Variants in MINDY4B observed in about 807,000 individuals in gnomAD.
The protein encoded by MINDY4B is MINDY family member 4B.
A neutral mutation model predicts 16.7 loss-of-function variants in MINDY4B; 25 were observed. The observed-to-expected ratio is 1.49, with a 90% CI of 1.09 to 2.09. The LOEUF (loss-of-function observed/expected upper bound fraction) is 2.09, where lower values mean the gene tolerates loss of function less well. Among genes scored for constraint, MINDY4B ranks in the 30% most tolerant of loss-of-function variants. The pLI is 0.00. For missense variants in MINDY4B, 327 were observed against 168.4 expected, an observed-to-expected ratio of 1.94 and a Z score of -5.21; for synonymous variants, 132 against 61.9, an observed-to-expected ratio of 2.13 and a Z score of -5.32.
chr3:150,873,226 C>T lies in MINDY4B; in HGVS notation c.1201G>A (p.Gly401Ser). 1.4e-6 allele frequency: 1 copy of T among 703,096 alleles called. No individual in the cohort carries two copies. Among genetic ancestry groups the T allele is most frequent in the Non-Finnish European group, 2.6e-6 (1 of 384,862 alleles). 43.6% of individuals were successfully genotyped at this position (703,096 alleles called of 1,614,324 possible). The change falls in exon 11 of 12, where the codon GGC (glycine) becomes AGC (serine). Residue 401 changes from glycine to serine, a missense_variant. Gly to Ser is a moderately conservative substitution (Grantham distance 56, BLOSUM62 0). Transcript: ENST00000465419. ...ACAAGCTTTTTCTGTGAGGGTTGGC[C>T]ACTGTAAAAGTACAGATCAAAGAGA... The part of the protein sequence containing the change: ...ERLFDLYFYS[G>S]QPSQKKLVRL...
intron 5 of MINDY4B, among the ~76,000 whole-genome samples, chr3:150,893,027 C>T (rs540883753): frequency 6.6e-6 from 1 of 152,074 alleles, no homozygotes; most frequent in African/African-American, 2.4e-5. Context: ...TAGAGCTTTC[C>T]ATCAAATATG....
intron 3 of MINDY4B, among the ~76,000 whole-genome samples, chr3:150,894,782 G>C (rs1711915727): frequency 6.6e-6 from 1 of 152,026 alleles, no homozygotes; most frequent in African/African-American, 2.4e-5. Context: ...AGAAAAATGG[G>C]AACAAGACTT....
At chr3:150,874,351 TG>T (rs1442533161) in intron 10 of MINDY4B, among the ~76,000 whole-genome samples, 2 of 152,230 alleles carry the variant, frequency 1.3e-5, no homozygotes, top group East Asian at 1.9e-4. Context: ...AAACCAGCAC[TG>T]GGGGTAAGAG....
At chr3:150,892,888 C>T (rs1293651099) in intron 5 of MINDY4B, among the ~76,000 whole-genome samples, 5 of 150,420 alleles carry the variant, frequency 3.3e-5, no homozygotes, top group Non-Finnish European at 5.9e-5. Flanking sequence ...TGCAGTGAGC[C>T]GAGATCATGC....
At chr3:150,876,516 T>C (rs904073965) in intron 10 of MINDY4B, among the ~76,000 whole-genome samples, 1 of 152,196 alleles carries the variant, frequency 6.6e-6, no homozygotes, top group African/African-American at 2.4e-5. Flanking sequence ...CTGGAATACA[T>C]ACTTGATGTA....
intron 10 of MINDY4B, among the ~76,000 whole-genome samples, chr3:150,880,305 C>CTGTGTGTGTGTGTGTG (rs60659488): frequency 3.7e-4 from 55 of 149,888 alleles, no homozygotes; most frequent in African/African-American, 1.3e-3. Flanking sequence ...AGGTTCCCAT[C>CTGTGTGTGTGTGTGTG]TGTGTGTGTG....
chr3:150,897,503 A>G (rs1000145713), intron 3 of MINDY4B, among the ~76,000 whole-genome samples: 2 of 152,090 alleles, frequency 1.3e-5, no homozygotes, highest in South Asian at 2.1e-4. Flanking sequence ...GTGGAGCTCA[A>G]TGGGCCCAGA....
chr3:150,895,541 C>A (rs1711937769), intron 3 of MINDY4B, among the ~76,000 whole-genome samples: 1 of 152,208 alleles, frequency 6.6e-6, no homozygotes, highest in South Asian at 2.1e-4. Flanking sequence ...TCTTGGCTCA[C>A]TGCAACCTCA....
Position 150,890,893 on chromosome 3 carries a change from C to A in MINDY4B, c.687+45G>T, listed in dbSNP as rs1001828970. On this transcript the variant is annotated intron_variant, in intron 6 of 11. Coordinates refer to ENST00000465419, the MANE Select transcript of MINDY4B (RefSeq NM_001351281.2). Reference sequence around the variant, plus strand: ...ATGGTAAGTCTATTACATGCTCAGGCTTCACTGGCCTTTCATCTGCCAGGA... The same window carrying A: ...ATGGTAAGTCTATTACATGCTCAGGATTCACTGGCCTTTCATCTGCCAGGA... 3 of 695,566 alleles carry A rather than the reference C, an allele frequency of 4.3e-6. No individual in the cohort carries two copies. The African/African-American group carries it at 5.2e-5, about 12-fold the overall frequency. 43.1% of individuals were successfully genotyped at this position (695,566 alleles called of 1,614,324 possible). A position where few individuals can be genotyped will look rare whatever the true frequency, so the allele number is the denominator to read the frequency against.
chr3:150,889,085 CAT>C (rs769398152), intron 7 of MINDY4B, among the ~76,000 whole-genome samples: 1 of 152,202 alleles, frequency 6.6e-6, no homozygotes, highest in Non-Finnish European at 1.5e-5. Context: ...TAAAATCTAT[CAT>C]ACAGGTTTTA....
chr3:150,886,837 T>TCCCCCA (rs1711633344), intron 7 of MINDY4B, among the ~76,000 whole-genome samples: 1 of 152,114 alleles, frequency 6.6e-6, no homozygotes, highest in African/African-American at 2.4e-5. Context: ...CAGGATAATG[T>TCCCCCA]CCCCCACCCA....
chr3:150,891,503 T>C (rs558941946), intron 5 of MINDY4B, among the ~76,000 whole-genome samples: 1 of 152,240 alleles, frequency 6.6e-6, no homozygotes, highest in African/African-American at 2.4e-5. Context: ...GGCTCATGCC[T>C]GTAATCCCAG....
rs1712087201 is a variant in MINDY4B at position 150,900,399 on chromosome 3, A to G, written c.309+2850T>C. On this transcript the variant is annotated intron_variant, in intron 3 of 11. Transcript: ENST00000465419. ...AAGAGAAAAGAATAGCAGAATGACA[A>G]CAAAAGGATTTCTGGAGTGGTATTA... Among the ~76,000 whole-genome samples the G allele has an allele frequency of 3.3e-5, 5 of 152,254 alleles. No homozygotes were observed. In the South Asian group the frequency reaches 1.0e-3, roughly 31 times the overall value.
At chr3:150,902,876 G>T (rs1385289104) in intron 3 of MINDY4B, among the ~76,000 whole-genome samples, 1 of 152,150 alleles carries the variant, frequency 6.6e-6, no homozygotes, top group African/African-American at 2.4e-5. Flanking sequence ...ATACAGGTGG[G>T]GTACTTTCTT....
chr3:150,903,369 T>C lies in MINDY4B; in HGVS notation c.189A>G (p.Thr63=). Residue 63 remains threonine, a synonymous_variant, in exon 3 of 12, where the codon ACA becomes ACG. Transcript: ENST00000465419. ...CTTGTCCTTTGGGCTGAGATAGTCC[T>C]GTTCCATCTTCATTTTCATCAGCAG... The part of the protein sequence containing the change: ...HTSADENEDG[T]GLSQPKGQGH... The C allele has an allele frequency of 2.5e-6, 1 of 398,610 alleles. No homozygotes were observed. The highest frequency in any genetic ancestry group is 4.4e-6 in the Non-Finnish European group (1 of 226,036). The allele number at this position is 398,610 out of a possible 1,614,324, so 24.7% of individuals were successfully genotyped here.
intron 6 of MINDY4B, 155 bp downstream of exon 6, chr3:150,890,783 A>G: frequency 1.8e-6 from 1 of 568,314 alleles, no homozygotes; most frequent in East Asian, 2.8e-5. Flanking sequence ...GTCTGCTTGG[A>G]TCACTTACAG....
intron 10 of MINDY4B, among the ~76,000 whole-genome samples, chr3:150,877,962 T>C (rs549430913): frequency 6.6e-6 from 1 of 152,278 alleles, no homozygotes; most frequent in African/African-American, 2.4e-5. Flanking sequence ...AATGTGATCA[T>C]TGAATGTAGA....
intron 3 of MINDY4B, among the ~76,000 whole-genome samples, chr3:150,900,873 C>A (rs1007748664): frequency 3.4e-4 from 52 of 152,296 alleles, no homozygotes; most frequent in African/African-American, 1.2e-3. Context: ...TTGCAAATGT[C>A]TGTGAATGCT....
At chr3:150,890,277 A>G (rs16862991) in intron 7 of MINDY4B, 43 bp downstream of exon 7, 4,625 of 454,332 alleles carry the variant, frequency 0.01, 144 homozygotes, top group African/African-American at 0.075. Context: ...TCCCTGTAAG[A>G]TCAGTCAACA....
Sources: allele counts gnomAD v4.1 joint callset (sites outside exome capture counted in the v4.1 genomes callset), GRCh38; gene constraint gnomAD v4.1.1; transcripts MANE v1.5; gene names NCBI Gene and HGNC (gene_info 2026-07-23, HGNC 2026-07-21).